The following WDR33 variants were observed in gnomAD, a reference collection of about 807,000 sequenced individuals.
WDR33 encodes WD repeat domain 33, also known as pre-mRNA 3' end processing protein WDR33.
Under a neutral mutation model 164.9 loss-of-function variants are expected in WDR33, and 47 were observed. The ratio of observed to expected loss-of-function variants is 0.29; its 90% CI spans 0.23 to 0.36. The LOEUF (loss-of-function observed/expected upper bound fraction) is 0.36. Ranked by LOEUF, WDR33 falls within the 10% of genes least tolerant of loss-of-function variation. WDR33 has a pLI of 1.00. For missense variants in WDR33, 1,137 were observed against 1,754.1 expected, an observed-to-expected ratio of 0.65 and a Z score of 6.28; for synonymous variants, 505 against 589.0, an observed-to-expected ratio of 0.86 and a Z score of 2.06.
At chr2:127,772,870 C>T (rs1457946145) in intron 1 of WDR33, among the ~76,000 whole-genome samples, 1 of 151,740 alleles carries the variant, frequency 6.6e-6, no homozygotes, top group South Asian at 2.1e-4. Flanking sequence ...CATCTGTTAT[C>T]CCAGCACTTT....
chr2:127,746,478 A>G (rs1687170549), intron 7 of WDR33, among the ~76,000 whole-genome samples: 1 of 152,138 alleles, frequency 6.6e-6, no homozygotes, highest in South Asian at 2.1e-4. Flanking sequence ...CTTGATATTT[A>G]TGACTTTAGC....
Position 127,702,765 on chromosome 2 carries a change from A to G in WDR33, c.*3558T>C, listed in dbSNP as rs889235661. The G allele has an allele frequency of 2.4e-5, 4 of 167,130 alleles. No homozygotes were observed. The highest frequency in any genetic ancestry group is 1.5e-5 in the Non-Finnish European group (1 of 68,124). 10.4% of individuals were successfully genotyped at this position (167,130 alleles called of 1,614,324 possible). ...AACAAAATCATAAATATGGTGCCTT[A>G]TAACATGAAAGGAAAATTAGTTGTG... On this transcript the variant is annotated 3_prime_UTR_variant, in exon 22 of 22. Transcript: ENST00000322313.
At chr2:127,752,434 CA>C (rs1687395448) in intron 7 of WDR33, among the ~76,000 whole-genome samples, 1 of 151,194 alleles carries the variant, frequency 6.6e-6, no homozygotes, top group Non-Finnish European at 1.5e-5. Flanking sequence ...ACTAAAAATA[CA>C]AAAAATTAGC....
intron 1 of WDR33, among the ~76,000 whole-genome samples, chr2:127,791,867 T>C (rs115868346): frequency 5.9e-4 from 90 of 152,296 alleles, no homozygotes; most frequent in African/African-American, 2.1e-3. Flanking sequence ...AAGGAGCTAG[T>C]AGTTTTATCC....
chr2:127,729,244 T>C (rs1268766596), intron 7 of WDR33, among the ~76,000 whole-genome samples: 1 of 152,222 alleles, frequency 6.6e-6, no homozygotes, highest in Non-Finnish European at 1.5e-5. Flanking sequence ...CGCAGACAGA[T>C]TAAAGAACTT....
intron 1 of WDR33, among the ~76,000 whole-genome samples, chr2:127,779,991 T>TTTTTTTTTA (rs1688315502): frequency 2.0e-5 from 3 of 148,898 alleles, no homozygotes; most frequent in African/African-American, 7.6e-5. Flanking sequence ...TTTTTTTTTT[T>TTTTTTTTTA]GAGACGGAGT....
intron 1 of WDR33, among the ~76,000 whole-genome samples, chr2:127,783,486 A>T (rs1688444308): frequency 6.6e-6 from 1 of 150,794 alleles, no homozygotes; most frequent in Non-Finnish European, 1.5e-5. Flanking sequence ...TACCCAGGTG[A>T]TTTTAAAGTG....
intron 1 of WDR33, among the ~76,000 whole-genome samples, chr2:127,774,583 AC>A (rs142868825): frequency 0.13 from 20,125 of 152,158 alleles, 1,449 homozygotes; most frequent in South Asian, 0.26. Flanking sequence ...TAATCCCAGC[AC>A]TTTGGGAGGC....
At chr2:127,801,536 AC>A (rs1168372369) in intron 1 of WDR33, among the ~76,000 whole-genome samples, 2 of 147,530 alleles carry the variant, frequency 1.4e-5, no homozygotes, top group Non-Finnish European at 1.5e-5. Context: ...AAAAAAAAAA[AC>A]AGTACAATCA....
chr2:127,786,844 C>CTTTTTTTTTTTTTTTT (rs71307273), intron 1 of WDR33, among the ~76,000 whole-genome samples: 1 of 111,876 alleles, frequency 8.9e-6, no homozygotes, highest in Non-Finnish European at 1.8e-5. Flanking sequence ...CCTTTCTGTT[C>CTTTTTTTTTTTTTTTT]TTTTTTTTTT....
chr2:127,808,344 C>G (rs1206442726), intron 1 of WDR33, among the ~76,000 whole-genome samples: 1 of 152,202 alleles, frequency 6.6e-6, no homozygotes, highest in Non-Finnish European at 1.5e-5. Context: ...GGCATTCAAA[C>G]CTAGGTCCAT....
In WDR33 at chr2:127,720,290, C is replaced by T. The variant is rs759381482; in HGVS notation, c.1735G>A (p.Gly579Ser). ...GGCTGGGGTCCGAGGAGAGGGGTGC[C>T]AGATGAGGGAGGAGGCTGAATTTGC... The part of the protein sequence containing the change: ...VEQIQPPPSS[G>S]TPLLGPQPFP... Residue 579 changes from glycine (G) to serine (S), a missense_variant, in exon 16 of 22, where the codon GGC (glycine) becomes AGC (serine). Gly to Ser is a moderately conservative substitution (Grantham distance 56). Around this residue, in one of 9 missense-constraint regions of WDR33, gnomAD observed 867 missense variants for 1,073.0 expected, o/e 0.81. Transcript: ENST00000322313. The surrounding 1 kb of genome is among the most constrained non-coding windows in gnomAD (Gnocchi z 5.9). 2.6e-6 allele frequency: 4 copies of T among 1,520,548 alleles called. No homozygotes were observed. The African/African-American group carries it at 5.6e-5, about 21-fold the overall frequency. The allele number at this position is 1,520,548 out of a possible 1,614,324, so 94.2% of individuals were successfully genotyped here. A position where few individuals can be genotyped will look rare whatever the true frequency, so the allele number is the denominator to read the frequency against.
chr2:127,701,407 G>A lies in WDR33; in HGVS notation c.*4916C>T. The A allele has an allele frequency of 1.0e-6, 1 of 1,003,382 alleles. No individual in the cohort carries two copies. The highest frequency in any genetic ancestry group is 1.3e-6 in the Non-Finnish European group (1 of 783,282). 62.2% of individuals were successfully genotyped at this position (1,003,382 alleles called of 1,614,324 possible). A position where few individuals can be genotyped will look rare whatever the true frequency, so the allele number is the denominator to read the frequency against. On this transcript the variant is annotated 3_prime_UTR_variant, in exon 22 of 22. Coordinates refer to ENST00000322313, the MANE Select transcript of WDR33 (RefSeq NM_018383.5). The stretch of plus-strand genomic sequence containing the variant: ...AGAGCAGGCACCGCGGCACTTCCGC[G>A]AGCGCCGCAGGCCCTGCCCCTTTCG...
intron 1 of WDR33, among the ~76,000 whole-genome samples, chr2:127,801,963 T>C (rs1250416295): frequency 2.6e-5 from 4 of 151,670 alleles, no homozygotes; most frequent in Admixed American, 2.6e-4. Context: ...GGCAGATCAC[T>C]TGAGGTCAGG....
At chr2:127,804,889 G>A (rs1228457554) in intron 1 of WDR33, among the ~76,000 whole-genome samples, 1 of 152,058 alleles carries the variant, frequency 6.6e-6, no homozygotes, top group Admixed American at 6.6e-5. Context: ...AAGTATAACT[G>A]CAAAGGGAAA....
chr2:127,800,568 C>T (rs1689200760), intron 1 of WDR33, among the ~76,000 whole-genome samples: 1 of 146,744 alleles, frequency 6.8e-6, no homozygotes, highest in South Asian at 2.2e-4. Flanking sequence ...ACCCAGGAGT[C>T]GGAGCTTGCA....
chr2:127,756,267 G>A (rs558325102), intron 7 of WDR33, among the ~76,000 whole-genome samples: 1 of 150,118 alleles, frequency 6.7e-6, no homozygotes, highest in African/African-American at 2.5e-5. Flanking sequence ...CCGGGAGGCA[G>A]AGGTTGCAAT....
intron 5 of WDR33, 47 bp from the exon 6 acceptor site, chr2:127,765,026 T>C: frequency 6.2e-7 from 1 of 1,600,742 alleles, no homozygotes; most frequent in East Asian, 2.2e-5. Context: ...CTTCAAAGAA[T>C]ATATGACTAA....
chr2:127,763,247 G>T lies in WDR33; in HGVS notation c.627-88C>A. On this transcript the variant is annotated intron_variant, in intron 6 of 21. Transcript: ENST00000322313. This position sits in a 1 kb window ranked among gnomAD's most constrained non-coding sequence, Gnocchi z 4.5. ...TCAGACAGGGAAAAATAAAAACACT[G>T]TGCTGCATTATAAACAGGAGAGGGA... The T allele has an allele frequency of 6.3e-7, 1 of 1,596,164 alleles. No individual in the cohort carries two copies. Among genetic ancestry groups the T allele is most frequent in the Non-Finnish European group, 8.5e-7 (1 of 1,170,008 alleles).
Sources: gnomAD v4.1 joint callset for allele counts (sites outside exome capture counted in the v4.1 genomes callset) on GRCh38, gnomAD v4.1.1 for gene constraint, gnomAD v4.1.1 regional missense constraint, Gnocchi (gnomAD v3.1) non-coding constraint, MANE v1.5 for transcripts, NCBI Gene and HGNC (gene_info 2026-07-23, HGNC 2026-07-21) for gene names.